Variants in HPSE2 observed in about 807,000 individuals in gnomAD.
HPSE2 encodes the protein heparanase 2 (inactive), also known as inactive heparanase-2.
In HPSE2, 38 loss-of-function variants were observed where a neutral mutation model predicts 60.5. That is an observed-to-expected ratio of 0.63 (90% CI 0.48 to 0.82). The LOEUF (loss-of-function observed/expected upper bound fraction) is 0.82, where lower values mean the gene tolerates loss of function less well. Ranked by LOEUF, HPSE2 falls within the 40% of genes least tolerant of loss-of-function variation. HPSE2 has a pLI of 0.00. For missense variants in HPSE2, 713 were observed against 740.4 expected (o/e 0.96, Z 0.43); for synonymous variants, 295 against 293.2 (o/e 1.01, Z -0.06).
chr10:98,567,487 G>T (rs1043268704), intron 9 of HPSE2, among the ~76,000 whole-genome samples: 10 of 152,178 alleles, frequency 6.6e-5, no homozygotes, highest in Admixed American at 1.3e-4. Flanking sequence ...GGTATTAAAT[G>T]TTTTGTGGTT....
Position 98,831,925 on chromosome 10 carries a change from C to G in HPSE2, c.611-87869G>C, listed in dbSNP as rs144014309. Among the ~76,000 whole-genome samples the G allele has an allele frequency of 7.4e-4, 113 of 152,268 alleles. 1 individual carries two copies. The highest frequency in any genetic ancestry group is 2.6e-3 in the African/African-American group (109 of 41,564). On this transcript the variant is annotated intron_variant, in intron 3 of 11. Transcript: ENST00000370552. ...TCTGCTTAGTTTTTGACAGGCGAGT[C>G]CAATCCACAGCTGGTAAAGAGGTTG... is the stretch of plus-strand genomic sequence containing the variant.
chr10:98,999,457 G>A (rs12413592), intron 3 of HPSE2, among the ~76,000 whole-genome samples: 17 of 152,222 alleles, frequency 1.1e-4, no homozygotes, highest in African/African-American at 2.9e-4. Context: ...TGGTTGGCCA[G>A]GCAAAAGTGA....
intron 3 of HPSE2, among the ~76,000 whole-genome samples, chr10:98,753,727 T>C (rs1036054108): frequency 6.6e-6 from 1 of 152,140 alleles, no homozygotes; most frequent in African/African-American, 2.4e-5. Context: ...GGTTAGAGCA[T>C]GCAGCCCAGA....
At chr10:98,460,471 A>G (rs1317547583) in intron 11 of HPSE2, among the ~76,000 whole-genome samples, 2 of 152,138 alleles carry the variant, frequency 1.3e-5, no homozygotes, top group Admixed American at 6.5e-5. Flanking sequence ...TACAAACAAT[A>G]TAAAAGCAAA....
At chr10:98,514,736 T>C (rs1361509700) in intron 9 of HPSE2, among the ~76,000 whole-genome samples, 1 of 75,740 alleles carries the variant, frequency 1.3e-5, no homozygotes, top group African/African-American at 3.4e-5. Context: ...TTTTTTTTTT[T>C]TAGACAGAGT....
intron 3 of HPSE2, among the ~76,000 whole-genome samples, chr10:99,072,051 T>G (rs1317658316): frequency 6.6e-6 from 1 of 152,062 alleles, no homozygotes; most frequent in Non-Finnish European, 1.5e-5. Context: ...TTGTTTTGGT[T>G]ATTTAGGGTC....
intron 2 of HPSE2, among the ~76,000 whole-genome samples, chr10:99,175,207 C>G (rs1047246614): frequency 6.6e-6 from 1 of 152,194 alleles, no homozygotes; most frequent in African/African-American, 2.4e-5. Context: ...AGACACCAAG[C>G]TAGCTGCAGG....
chr10:98,896,921 G>A (rs1953508173), intron 3 of HPSE2, among the ~76,000 whole-genome samples: 1 of 152,088 alleles, frequency 6.6e-6, no homozygotes, highest in Non-Finnish European at 1.5e-5. Flanking sequence ...AATCTGAATA[G>A]GCCAATATCT....
At chr10:99,185,042 G>C (rs1018639106) in intron 2 of HPSE2, among the ~76,000 whole-genome samples, 7 of 151,742 alleles carry the variant, frequency 4.6e-5, no homozygotes, top group African/African-American at 1.7e-4. Context: ...CTTCACACCT[G>C]TAATCCCAGC....
chr10:98,538,980 G>A (rs777946012), intron 9 of HPSE2, among the ~76,000 whole-genome samples: 4 of 152,178 alleles, frequency 2.6e-5, no homozygotes, highest in Non-Finnish European at 5.9e-5. Flanking sequence ...TTGTCCATAG[G>A]TAGCCAGCAA....
At chr10:98,574,395 A>T (rs930464564) in intron 9 of HPSE2, among the ~76,000 whole-genome samples, 1 of 152,248 alleles carries the variant, frequency 6.6e-6, no homozygotes, top group East Asian at 1.9e-4. Context: ...GAATGCAAAG[A>T]GGACTCTTCC....
At chr10:99,021,577 AAAATACATAAATGTAATACATAAAAAGAG>A (rs1957263978) in intron 3 of HPSE2, among the ~76,000 whole-genome samples, 1 of 152,218 alleles carries the variant, frequency 6.6e-6, no homozygotes, top group Admixed American at 6.5e-5. Context: ...TAAGAAAAAA[AAAATACATAAATGTAATACATAAAAAGAG>A]AAGACAAAGT....
chr10:98,563,796 G>C (rs929792540), intron 9 of HPSE2, among the ~76,000 whole-genome samples: 1 of 151,974 alleles, frequency 6.6e-6, no homozygotes, highest in Non-Finnish European at 1.5e-5. Flanking sequence ...CAATATTCAA[G>C]ATCGTAGTCT....
intron 9 of HPSE2, among the ~76,000 whole-genome samples, chr10:98,520,081 C>T (rs771339873): frequency 2.6e-5 from 4 of 152,124 alleles, no homozygotes; most frequent in Non-Finnish European, 5.9e-5. Flanking sequence ...GCATTTAATT[C>T]CATCTGGCAC....
intron 6 of HPSE2, among the ~76,000 whole-genome samples, chr10:98,646,039 C>A (rs1946760440): frequency 6.6e-6 from 1 of 152,138 alleles, no homozygotes; most frequent in African/African-American, 2.4e-5. Flanking sequence ...AATGCCTAAA[C>A]CTTTTTCTTA....
intron 3 of HPSE2, among the ~76,000 whole-genome samples, chr10:99,133,620 A>C (rs1845531654): frequency 6.6e-6 from 1 of 152,216 alleles, no homozygotes. Context: ...GGCCTCCAGC[A>C]AACTCCAGCA....
chr10:98,932,120 C>A lies in HPSE2; in HGVS notation c.611-188064G>T, dbSNP rs1409865428. Among the ~76,000 whole-genome samples the A allele has an allele frequency of 2.8e-5, 4 of 143,156 alleles. 2 individuals carry two copies. Among genetic ancestry groups the A allele is most frequent in the African/African-American group, 5.7e-5 (2 of 34,930 alleles). 93.9% of individuals were successfully genotyped at this position (143,156 alleles called of 152,430 possible). A position where few individuals can be genotyped will look rare whatever the true frequency, so the allele number is the denominator to read the frequency against. On this transcript the variant is annotated intron_variant, in intron 3 of 11. Coordinates refer to ENST00000370552, the MANE Select transcript of HPSE2 (RefSeq NM_021828.5). ...GGCTGTGGGCTTGTCATAAATGGTTCTTATTATTTTGAGGTATGTTTCTTC... is the reference window on the plus strand; with the variant it reads ...GGCTGTGGGCTTGTCATAAATGGTTATTATTATTTTGAGGTATGTTTCTTC...
chr10:99,223,345 G>A (rs968231715), intron 2 of HPSE2, among the ~76,000 whole-genome samples: 1 of 152,128 alleles, frequency 6.6e-6, no homozygotes, highest in African/African-American at 2.4e-5. Flanking sequence ...TTATGGTTGT[G>A]TTATTACTAT....
chr10:99,194,475 C>T (rs1271500170), intron 2 of HPSE2, among the ~76,000 whole-genome samples: 1 of 150,328 alleles, frequency 6.7e-6, no homozygotes, highest in East Asian at 2.0e-4. Context: ...ATTGATAAAA[C>T]AAAGAGTTCA....
Sources: gnomAD v4.1 joint callset for allele counts (sites outside exome capture counted in the v4.1 genomes callset) on GRCh38, gnomAD v4.1.1 for gene constraint, MANE v1.5 for transcripts, NCBI Gene and HGNC (gene_info 2026-07-23, HGNC 2026-07-21) for gene names.